The following SSBP3 variants were observed in gnomAD, a reference collection of about 807,000 sequenced individuals.
The protein encoded by SSBP3 is single stranded DNA binding protein 3, also known as single-stranded DNA-binding protein 3.
In SSBP3, 5 loss-of-function variants were observed where a neutral mutation model predicts 69.6. That is an observed-to-expected ratio of 0.07 (90% confidence interval 0.04 to 0.15). The LOEUF (loss-of-function observed/expected upper bound fraction) is 0.15. SSBP3 is among the 10% of genes least tolerant of loss of function. The pLI is 1.00. For synonymous variants in SSBP3, 196 were observed against 193.4 expected, an observed-to-expected ratio of 1.01 and a Z score of -0.11; for missense variants, 312 against 534.0, an observed-to-expected ratio of 0.58 and a Z score of 4.10.
At chr1:54,300,928 G>A (rs1645789840) in intron 4 of SSBP3, among the ~76,000 whole-genome samples, 1 of 152,190 alleles carries the variant, frequency 6.6e-6, no homozygotes, top group South Asian at 2.1e-4. Context: ...GAAATCCACT[G>A]ATATCCACGG....
chr1:54,311,655 C>T (rs537402830), intron 4 of SSBP3, among the ~76,000 whole-genome samples: 2 of 152,234 alleles, frequency 1.3e-5, no homozygotes, highest in East Asian at 1.9e-4. Context: ...CTCGGAGGGG[C>T]GGCAGACTCA....
chr1:54,244,273 T>C (rs1366684309), intron 9 of SSBP3, among the ~76,000 whole-genome samples: 1 of 152,140 alleles, frequency 6.6e-6, no homozygotes, highest in Non-Finnish European at 1.5e-5. Context: ...CGGGCTGATA[T>C]TTGTATTTTT....
rs768404194 is a variant in SSBP3 at position 54,404,558 on chromosome 1, A to G, written c.191+18T>C. Reference sequence around the variant, plus strand: ...ACAACAAAACAAACACACATGCAAAACTATCACACAAACTTACCACCACCA... The same window carrying G: ...ACAACAAAACAAACACACATGCAAAGCTATCACACAAACTTACCACCACCA... On this transcript the variant is annotated intron_variant, in intron 3 of 17. Transcript: ENST00000610401. 64 of 1,612,542 alleles carry G rather than the reference A, an allele frequency of 4.0e-5. No individual in the cohort carries two copies. Among genetic ancestry groups the G allele is most frequent in the Non-Finnish European group, 5.3e-5 (62 of 1,179,676 alleles).
chr1:54,305,785 C>A (rs1298237738), intron 4 of SSBP3, among the ~76,000 whole-genome samples: 3 of 150,640 alleles, frequency 2.0e-5, no homozygotes, highest in African/African-American at 7.4e-5. Flanking sequence ...AAAAGACACG[C>A]CATAGGTGGA....
chr1:54,284,881 AG>A (rs1645459511), intron 4 of SSBP3, among the ~76,000 whole-genome samples: 1 of 152,222 alleles, frequency 6.6e-6, no homozygotes. Context: ...CAATGGTTCT[AG>A]GAACTGAAGG....
intron 14 of SSBP3, among the ~76,000 whole-genome samples, chr1:54,233,005 G>A (rs959917503): frequency 7.3e-5 from 11 of 151,396 alleles, no homozygotes; most frequent in South Asian, 2.1e-4. Context: ...GCCGCCACCC[G>A]TCTGGGAAGT....
intron 4 of SSBP3, among the ~76,000 whole-genome samples, chr1:54,395,303 G>A (rs1394607317): frequency 6.6e-6 from 1 of 152,134 alleles, no homozygotes; most frequent in African/African-American, 2.4e-5. Context: ...GTAAAGAGAT[G>A]GACCTTGAGA....
At chr1:54,346,325 CAAAAA>C (rs879480958) in intron 4 of SSBP3, among the ~76,000 whole-genome samples, 1 of 121,922 alleles carries the variant, frequency 8.2e-6, no homozygotes, top group African/African-American at 3.1e-5. Context: ...ACTCCATCTC[CAAAAA>C]AAAAAAAAAA....
intron 5 of SSBP3, among the ~76,000 whole-genome samples, chr1:54,267,702 T>C (rs568781411): frequency 2.6e-4 from 40 of 152,208 alleles, no homozygotes; most frequent in Admixed American, 9.2e-4. Flanking sequence ...ATACTAACAT[T>C]TGGGGGCTTG....
intron 14 of SSBP3, 128 bp downstream of exon 14, chr1:54,239,001 C>A: frequency 1.3e-6 from 1 of 768,402 alleles, no homozygotes; most frequent in South Asian, 1.6e-5. Flanking sequence ...ACTTTTCTGA[C>A]GGTTTATTTT....
chr1:54,251,713 G>A (rs939701822), intron 8 of SSBP3, 21 bp from the exon 9 acceptor site: 9 of 1,574,512 alleles, frequency 5.7e-6, no homozygotes, highest in African/African-American at 1.3e-5. Flanking sequence ...GAGGAGGCGC[G>A]TCATGGGATG....
intron 14 of SSBP3, among the ~76,000 whole-genome samples, chr1:54,233,815 G>A (rs568889446): frequency 0.01 from 1,574 of 151,654 alleles, 9 homozygotes; most frequent in Non-Finnish European, 0.018. Context: ...GGTGAGGGGC[G>A]CCTCTGCCCG....
intron 4 of SSBP3, among the ~76,000 whole-genome samples, chr1:54,332,784 C>T (rs1646440349): frequency 6.6e-6 from 1 of 152,172 alleles, no homozygotes; most frequent in South Asian, 2.1e-4. Flanking sequence ...CCAAAGCTGC[C>T]ACTCAACAAG....
intron 14 of SSBP3, among the ~76,000 whole-genome samples, chr1:54,234,862 C>CAAA (rs1478120820): frequency 1.3e-5 from 2 of 152,012 alleles, no homozygotes; most frequent in Non-Finnish European, 2.9e-5. Flanking sequence ...TTCCTAAGCT[C>CAAA]AAACAATCCT....
chr1:54,351,066 A>G (rs1646774344), intron 4 of SSBP3, among the ~76,000 whole-genome samples: 1 of 152,126 alleles, frequency 6.6e-6, no homozygotes, highest in Non-Finnish European at 1.5e-5. Flanking sequence ...AGCTCAAGCA[A>G]TCTGCCCACC....
rs556179703 is a variant in SSBP3 at position 54,366,649 on chromosome 1, T to C, written c.276+35212A>G. Among the ~76,000 whole-genome samples the C allele has an allele frequency of 3.3e-5, 5 of 152,318 alleles. No homozygotes were observed. The East Asian group carries it at 5.8e-4, about 18-fold the overall frequency. On this transcript the variant is annotated intron_variant, in intron 4 of 17. Coordinates refer to ENST00000610401, the Ensembl canonical transcript of SSBP3. ...GGTACCAGGATGCACAGGAGGACAG[T>C]GAAGGGCAGGGAGTTTTGCTTCACT...
chr1:54,261,479 G>T (rs909549236), intron 5 of SSBP3, among the ~76,000 whole-genome samples: 1 of 152,206 alleles, frequency 6.6e-6, no homozygotes, highest in East Asian at 1.9e-4. Flanking sequence ...GTGGGACGGG[G>T]GCCGCTCTCT....
At chr1:54,342,630 G>T (rs541671092) in intron 4 of SSBP3, among the ~76,000 whole-genome samples, 2 of 152,314 alleles carry the variant, frequency 1.3e-5, no homozygotes, top group South Asian at 4.1e-4. Context: ...AGAACACTGG[G>T]CAATCTAAAA....
chr1:54,250,936 C>T (rs1284942874), intron 9 of SSBP3, among the ~76,000 whole-genome samples: 1 of 152,166 alleles, frequency 6.6e-6, no homozygotes, highest in African/African-American at 2.4e-5. Context: ...TTGTTGTGAC[C>T]GTAAGAGGTA....
Sources: allele counts gnomAD v4.1 joint callset (sites outside exome capture counted in the v4.1 genomes callset), GRCh38; gene constraint gnomAD v4.1.1; transcripts MANE v1.5; gene names NCBI Gene and HGNC (gene_info 2026-07-23, HGNC 2026-07-21).